The following GALNT2 variants were observed in gnomAD, a reference collection of about 807,000 sequenced individuals.
GALNT2 encodes the protein polypeptide N-acetylgalactosaminyltransferase 2, also known as UDP-GalNAc:polypeptide N-acetylgalactosaminyltransferase 2.
GALNT2 carries 31 observed loss-of-function variants against 81.4 expected under a neutral mutation model. The ratio of observed to expected loss-of-function variants is 0.38; its 90% CI spans 0.29 to 0.51. The LOEUF is 0.51. Ranked by LOEUF, GALNT2 falls within the 20% of genes least tolerant of loss-of-function variation. The pLI is 0.87. For missense variants in GALNT2, 629 were observed against 765.7 expected (o/e 0.82, Z 2.11); for synonymous variants, 303 against 287.4 (o/e 1.05, Z -0.55).
intron 3 of GALNT2, among the ~76,000 whole-genome samples, chr1:230,222,426 A>G (rs1309289636): frequency 6.6e-6 from 1 of 152,136 alleles, no homozygotes; most frequent in Admixed American, 6.5e-5. Flanking sequence ...GCTGAGTCTC[A>G]TAATACGAAA....
rs58770415 is a variant in GALNT2, at chr1:230,185,301, T to TGTGTGTGCGCGCGC, written c.220+6991_220+6992insTGTGTGCGCGCGCG. On this transcript the variant is annotated intron_variant, in intron 2 of 15. Coordinates refer to ENST00000366672, the MANE Select transcript of GALNT2 (RefSeq NM_004481.5). ...GTGTGTGTGTGTGTGTGTGTGTGTG[T>TGTGTGTGCGCGCGC]GCGCGCGTGTGTGTGTGTGTTTAAC... Among the ~76,000 whole-genome samples, 132 of 126,094 alleles carry TGTGTGTGCGCGCGC rather than the reference T, an allele frequency of 1.0e-3. No homozygotes were observed. In the East Asian group the frequency reaches 0.021, roughly 20 times the overall value. The allele number at this position is 126,094 out of a possible 152,430, so 82.7% of individuals were successfully genotyped here. A position where few individuals can be genotyped will look rare whatever the true frequency, so the allele number is the denominator to read the frequency against.
At chr1:230,111,211 T>A (rs904109504) in intron 1 of GALNT2, among the ~76,000 whole-genome samples, 1 of 152,234 alleles carries the variant, frequency 6.6e-6, no homozygotes, top group Non-Finnish European at 1.5e-5. Flanking sequence ...CATGTACATG[T>A]GCGTACCATG....
At chr1:230,194,509 C>T (rs975631094) in intron 2 of GALNT2, among the ~76,000 whole-genome samples, 1 of 152,238 alleles carries the variant, frequency 6.6e-6, no homozygotes. Context: ...CCCTCTCTGA[C>T]TGTACACATT....
chr1:230,220,478 G>T (rs1006405563), intron 3 of GALNT2, among the ~76,000 whole-genome samples: 6 of 152,122 alleles, frequency 3.9e-5, no homozygotes, highest in African/African-American at 1.4e-4. Flanking sequence ...ATGGTCTTCA[G>T]CTTGATATCC....
upstream of GALNT2, among the ~76,000 whole-genome samples, chr1:230,065,115 G>A (rs1455411722): frequency 6.6e-6 from 1 of 152,054 alleles, no homozygotes; most frequent in African/African-American, 2.4e-5. Context: ...GTACTTTAGG[G>A]ACTCCACTTA....
intron 1 of GALNT2, among the ~76,000 whole-genome samples, chr1:230,125,757 A>G (rs1661155142): frequency 6.6e-6 from 1 of 152,248 alleles, no homozygotes; most frequent in Non-Finnish European, 1.5e-5. Flanking sequence ...GCACTTTCCA[A>G]CAGTGACATC....
In GALNT2 at chr1:230,243,142, G is replaced by A. The variant is rs375482536; in HGVS notation, c.608-164G>A. Among the ~76,000 whole-genome samples the A allele has an allele frequency of 5.3e-5, 8 of 152,228 alleles. No homozygotes were observed. The highest frequency in any genetic ancestry group is 1.9e-4 in the African/African-American group (8 of 41,458). Reference sequence around the variant, plus strand: ...AAATTAAAAGTTCTGACAATAGTCTGTCTCATGGAGCAGTTTTGATCTCAT... The same window carrying A: ...AAATTAAAAGTTCTGACAATAGTCTATCTCATGGAGCAGTTTTGATCTCAT... On this transcript the variant is annotated intron_variant, in intron 6 of 15. Coordinates refer to ENST00000366672, the MANE Select transcript of GALNT2 (RefSeq NM_004481.5). The surrounding 1 kb of genome is among the most constrained non-coding windows in gnomAD (Gnocchi z 4.2).
chr1:230,114,256 GT>G (rs914828118), intron 1 of GALNT2, among the ~76,000 whole-genome samples: 2 of 152,126 alleles, frequency 1.3e-5, no homozygotes, highest in African/African-American at 4.8e-5. Flanking sequence ...CTAGGGGGAG[GT>G]TTAGTCGTTC....
intron 3 of GALNT2, among the ~76,000 whole-genome samples, chr1:230,217,971 G>C (rs1664439864): frequency 6.6e-6 from 1 of 152,240 alleles, no homozygotes; most frequent in Non-Finnish European, 1.5e-5. Flanking sequence ...AGCCATTGTA[G>C]GTTTGGGAGC....
chr1:230,210,510 T>C (rs1664202278), intron 3 of GALNT2, among the ~76,000 whole-genome samples: 1 of 152,208 alleles, frequency 6.6e-6, no homozygotes, highest in Non-Finnish European at 1.5e-5. Flanking sequence ...CACGCTGAAA[T>C]ACCACTGCCT....
intron 1 of GALNT2, among the ~76,000 whole-genome samples, chr1:230,080,614 A>G (rs1382418319): frequency 1.3e-5 from 2 of 152,116 alleles, no homozygotes; most frequent in East Asian, 1.9e-4. Context: ...CTCTTGGTGG[A>G]CAGCTAGCTC....
At chr1:230,254,864 G>A (rs1665660796) in intron 10 of GALNT2, among the ~76,000 whole-genome samples, 1 of 152,234 alleles carries the variant, frequency 6.6e-6, no homozygotes, top group Non-Finnish European at 1.5e-5. Context: ...TAGTTACGAT[G>A]ATACTGGGGT....
intron 1 of GALNT2, among the ~76,000 whole-genome samples, chr1:230,146,279 C>T (rs1558108476): frequency 1.3e-5 from 2 of 152,310 alleles, no homozygotes; most frequent in Non-Finnish European, 2.9e-5. Context: ...AGGAGTCCCG[C>T]GCCTTCTCTC....
rs919946368 is a variant in GALNT2 at position 230,280,916 on chromosome 1, C to G, written c.*1458C>G. On this transcript the variant is annotated 3_prime_UTR_variant, in exon 16 of 16. Transcript: ENST00000366672. Reference sequence around the variant, plus strand: ...GGTGCCTGGCTTCTACCTGGGTGCTCAGGAATGTTCCTCGTCACCCCTGCC... The same window carrying G: ...GGTGCCTGGCTTCTACCTGGGTGCTGAGGAATGTTCCTCGTCACCCCTGCC... The G allele has an allele frequency of 1.3e-5, 2 of 152,186 alleles. No homozygotes were observed. The highest frequency in any genetic ancestry group is 2.9e-5 in the Non-Finnish European group (2 of 68,096). The allele number at this position is 152,186 out of a possible 1,614,324, so 9.4% of individuals were successfully genotyped here.
chr1:230,130,150 A>G (rs990100278), intron 1 of GALNT2, among the ~76,000 whole-genome samples: 1 of 152,212 alleles, frequency 6.6e-6, no homozygotes, highest in African/African-American at 2.4e-5. Flanking sequence ...CTTGCACATG[A>G]AAATCTCTCT....
At position 230,209,355 on chromosome 1, in the gene GALNT2, C is replaced by A. The variant is rs991216267; in HGVS notation, c.374+6065C>A. On this transcript the variant is annotated intron_variant, in intron 3 of 15. Transcript: ENST00000366672. ...GGTTAGAGGAGGTCCTAAAGGGTGGCGCCCTGATCCACCTGTCCTACAGGA... is the reference window on the plus strand; with the variant it reads ...GGTTAGAGGAGGTCCTAAAGGGTGGAGCCCTGATCCACCTGTCCTACAGGA... Among the ~76,000 whole-genome samples, 7 of 146,448 alleles carry A rather than the reference C, an allele frequency of 4.8e-5. No homozygotes were observed. The East Asian group carries it at 6.4e-4, about 13-fold the overall frequency.
chr1:230,262,517 G>A (rs1665908358), intron 11 of GALNT2, 56 bp from the exon 12 acceptor site: 2 of 1,455,462 alleles, frequency 1.4e-6, no homozygotes, highest in Non-Finnish European at 1.9e-6. Flanking sequence ...GGTGCAAATG[G>A]AGTGATGCAG....
At chr1:230,110,202 A>C (rs761304685) in intron 1 of GALNT2, among the ~76,000 whole-genome samples, 2 of 152,116 alleles carry the variant, frequency 1.3e-5, no homozygotes, top group East Asian at 3.8e-4. Context: ...ATTTAAATAT[A>C]CTATGGTGGT....
intron 14 of GALNT2, among the ~76,000 whole-genome samples, chr1:230,270,149 C>T (rs1250598275): frequency 1.3e-5 from 2 of 151,822 alleles, no homozygotes; most frequent in Non-Finnish European, 2.9e-5. Context: ...TGCAGTGAGC[C>T]GAGATCGCAC....
Sources: allele counts gnomAD v4.1 joint callset (sites outside exome capture counted in the v4.1 genomes callset), GRCh38; gene constraint gnomAD v4.1.1; non-coding constraint Gnocchi (gnomAD v3.1); transcripts MANE v1.5; gene names NCBI Gene and HGNC (gene_info 2026-07-23, HGNC 2026-07-21).